HECA: variants seen among roughly 807,000 people sequenced by gnomAD.
The protein encoded by HECA is HECA ribonucleoprotein granule regulator, also known as headcase protein homolog.
HECA carries 13 observed loss-of-function variants against 37.6 expected under a neutral mutation model. The ratio of observed to expected loss-of-function variants is 0.35; its 90% CI spans 0.23 to 0.55. The LOEUF (loss-of-function observed/expected upper bound fraction) is 0.55, where lower values mean the gene tolerates loss of function less well. Ranked by LOEUF, HECA falls within the 20% of genes least tolerant of loss-of-function variation. The pLI is 0.90. For missense variants in HECA, 527 were observed against 701.9 expected (o/e 0.75, Z 2.82); for synonymous variants, 307 against 291.5 (o/e 1.05, Z -0.54).
intron 2 of HECA, 33 bp downstream of exon 2, chr6:139,167,357 G>A (rs771714756): frequency 6.7e-7 from 1 of 1,487,270 alleles, no homozygotes; most frequent in Non-Finnish European, 9.2e-7. Flanking sequence ...CCTGCTTTCT[G>A]TTTGTTAAAA....
At chr6:139,143,097 A>G (rs949279234) in intron 1 of HECA, among the ~76,000 whole-genome samples, 2 of 152,228 alleles carry the variant, frequency 1.3e-5, no homozygotes, top group Non-Finnish European at 1.5e-5. Flanking sequence ...GTGAAAAAAG[A>G]CTGGGTACTT....
chr6:139,148,589 C>T (rs1181377695), intron 1 of HECA, among the ~76,000 whole-genome samples: 18 of 152,146 alleles, frequency 1.2e-4, no homozygotes, highest in Non-Finnish European at 1.3e-4. Flanking sequence ...CATGGTGAAA[C>T]CCCATGTCAC....
intron 1 of HECA, among the ~76,000 whole-genome samples, chr6:139,142,015 C>T (rs1334388657): frequency 4.0e-5 from 6 of 148,766 alleles, no homozygotes; most frequent in Non-Finnish European, 7.4e-5. Context: ...CAAGCTCCAC[C>T]TCCTGGGTTC....
chr6:139,166,024 T>A, intron 1 of HECA: 1 of 367,256 alleles, frequency 2.7e-6, no homozygotes, highest in Non-Finnish European at 4.9e-6. Flanking sequence ...CCAGCGGCTT[T>A]CTGGTATTCA....
rs1019199469 is a variant in HECA, at chr6:139,178,607, T to G, written c.*1502T>G. The stretch of plus-strand genomic sequence containing the variant: ...TCTTTTTTTTGAGATGGAGTCTCAC[T>G]CTTGTCACCCAGGCTGGAGTGCAGT... On this transcript the variant is annotated 3_prime_UTR_variant, in exon 4 of 4. Coordinates refer to ENST00000367658, the MANE Select transcript of HECA (RefSeq NM_016217.3). The G allele has an allele frequency of 1.4e-5, 1 of 70,498 alleles. No individual in the cohort carries two copies. Among genetic ancestry groups the G allele is most frequent in the African/African-American group, 9.7e-5 (1 of 10,338 alleles). The allele number at this position is 70,498 out of a possible 1,614,324, so 4.4% of individuals were successfully genotyped here.
intron 2 of HECA, among the ~76,000 whole-genome samples, chr6:139,173,404 AG>A (rs1430526560): frequency 6.6e-6 from 1 of 152,210 alleles, no homozygotes; most frequent in African/African-American, 2.4e-5. Context: ...ATGCAAACGA[AG>A]GGCTCCCCCT....
At position 139,152,263 on chromosome 6, in the gene HECA, T is replaced by C. The variant is rs141503844; in HGVS notation, c.272-14021T>C. 2.4e-3 allele frequency among the ~76,000 whole-genome samples: 361 copies of C among 152,268 alleles called. 1 individual carries two copies. The highest frequency in any genetic ancestry group is 8.3e-3 in the African/African-American group (345 of 41,536). On this transcript the variant is annotated intron_variant, in intron 1 of 3. Coordinates refer to ENST00000367658, the MANE Select transcript of HECA (RefSeq NM_016217.3). ...GCCAGAATGGAAATAACAGGTAAAA[T>C]AGAAACCTAGAGTTTTTTATTTAGT...
intron 1 of HECA, among the ~76,000 whole-genome samples, chr6:139,135,886 C>T (rs1774428676): frequency 6.6e-6 from 1 of 151,718 alleles, no homozygotes; most frequent in Non-Finnish European, 1.5e-5. Flanking sequence ...GGGGGCAGCC[C>T]GCGCCCCACA....
intron 1 of HECA, chr6:139,144,681 G>A (rs1774557943): frequency 6.6e-6 from 1 of 152,260 alleles, no homozygotes; most frequent in African/African-American, 2.4e-5. Context: ...TTGTTGACAA[G>A]TTTGTAAAAT....
At chr6:139,164,329 A>G (rs746486845) in intron 1 of HECA, among the ~76,000 whole-genome samples, 9 of 151,230 alleles carry the variant, frequency 6.0e-5, no homozygotes, top group Admixed American at 2.0e-4. Context: ...GGAGAGTAGT[A>G]TTTCCCTCCA....
At chr6:139,175,380 A>G (rs1030942915) in intron 3 of HECA, among the ~76,000 whole-genome samples, 2 of 152,106 alleles carry the variant, frequency 1.3e-5, no homozygotes, top group Non-Finnish European at 2.9e-5. Context: ...GCATAGTTTT[A>G]TGTCTTTAGC....
Position 139,166,867 on chromosome 6 carries a change from C to G in HECA, c.855C>G (p.Phe285Leu). The G allele has an allele frequency of 6.2e-7, 1 of 1,614,002 alleles. No homozygotes were observed. The highest frequency in any genetic ancestry group is 8.5e-7 in the Non-Finnish European group (1 of 1,179,982). The change falls in exon 2 of 4, where the codon TTC becomes TTG. Residue 285 changes from phenylalanine (F) to leucine (L), a missense_variant. Physicochemically the swap from Phe to Leu is conservative, Grantham distance 22. Coordinates refer to ENST00000367658, the MANE Select transcript of HECA (RefSeq NM_016217.3). ...ACTCCATCCTCTCTCCTGCCCACTT[C>G]AGCGGCCCCCGCTCCTCCAGATACC... Reference protein sequence around the residue: ...TGYSILSPAHFSGPRSSRYLG... With the variant: ...TGYSILSPAHLSGPRSSRYLG...
chr6:139,135,926 T>C (rs1041977854), intron 1 of HECA, among the ~76,000 whole-genome samples: 1 of 151,708 alleles, frequency 6.6e-6, no homozygotes, highest in African/African-American at 2.4e-5. Context: ...GCGGCAGCGC[T>C]GCCCTCGGGC....
At chr6:139,144,992 T>C (rs1483592758) in intron 1 of HECA, among the ~76,000 whole-genome samples, 2 of 152,230 alleles carry the variant, frequency 1.3e-5, no homozygotes, top group African/African-American at 4.8e-5. Flanking sequence ...TAAGATTTTC[T>C]CTAGAGGCAG....
intron 1 of HECA, among the ~76,000 whole-genome samples, chr6:139,159,808 G>A (rs951517538): frequency 5.9e-5 from 9 of 152,206 alleles, no homozygotes; most frequent in African/African-American, 1.4e-4. Context: ...AGCCTCATAT[G>A]ACTTAAGAAG....
chr6:139,146,157 C>A (rs1349915457), intron 1 of HECA, among the ~76,000 whole-genome samples: 1 of 152,132 alleles, frequency 6.6e-6, no homozygotes, highest in African/African-American at 2.4e-5. Context: ...ATTGGAAATT[C>A]ATTAAAAATA....
chr6:139,143,108 C>A (rs1046226929), intron 1 of HECA, among the ~76,000 whole-genome samples: 1 of 152,192 alleles, frequency 6.6e-6, no homozygotes, highest in African/African-American at 2.4e-5. Context: ...CTGGGTACTT[C>A]AGGCTTGGGT....
chr6:139,153,620 G>A (rs889270964), intron 1 of HECA, among the ~76,000 whole-genome samples: 7 of 151,752 alleles, frequency 4.6e-5, no homozygotes, highest in African/African-American at 1.5e-4. Context: ...ACGAGGTTTC[G>A]CCATGTTGGT....
chr6:139,169,297 AC>A (rs760090538), intron 2 of HECA, among the ~76,000 whole-genome samples: 1 of 151,912 alleles, frequency 6.6e-6, no homozygotes, highest in Non-Finnish European at 1.5e-5. Flanking sequence ...ATAAATATAT[AC>A]ATGGCCCTAT....
Sources: gnomAD v4.1 joint callset for allele counts (sites outside exome capture counted in the v4.1 genomes callset) on GRCh38, gnomAD v4.1.1 for gene constraint, MANE v1.5 for transcripts, NCBI Gene and HGNC (gene_info 2026-07-23, HGNC 2026-07-21) for gene names.